The following DAB1 variants were observed in gnomAD, a reference collection of about 807,000 sequenced individuals.
DAB1 encodes the protein DAB adaptor protein 1.
In DAB1, 15 loss-of-function variants were observed where a neutral mutation model predicts 64.6. The observed-to-expected ratio is 0.23, with a 90% confidence interval of 0.16 to 0.36. DAB1 has a LOEUF of 0.36. DAB1 is among the 10% of genes least tolerant of loss of function. DAB1 has a pLI of 1.00. For missense variants in DAB1, 596 were observed against 706.7 expected (o/e 0.84, Z 1.78); for synonymous variants, 235 against 251.9 (o/e 0.93, Z 0.64).
intron 1 of DAB1, among the ~76,000 whole-genome samples, chr1:57,377,178 G>A (rs773952025): frequency 5.9e-5 from 9 of 151,934 alleles, no homozygotes; most frequent in Non-Finnish European, 8.8e-5. Flanking sequence ...GCTGAGGAAC[G>A]AGAATCGCTT....
intron 7 of DAB1, among the ~76,000 whole-genome samples, chr1:57,530,172 T>A (rs1292688897): frequency 2.6e-5 from 4 of 152,160 alleles, no homozygotes; most frequent in Non-Finnish European, 5.9e-5. Context: ...CTATATTGGG[T>A]CCTATAAAGC....
chr1:57,556,866 AG>A (rs1439412635), intron 7 of DAB1, among the ~76,000 whole-genome samples: 1 of 152,192 alleles, frequency 6.6e-6, no homozygotes, highest in Non-Finnish European at 1.5e-5. Flanking sequence ...AATGTCTAGA[AG>A]GGTTTTTCCA....
chr1:57,034,357 G>A (rs1240813581), intron 9 of DAB1, among the ~76,000 whole-genome samples: 3 of 150,262 alleles, frequency 2.0e-5, no homozygotes, highest in African/African-American at 7.4e-5. Context: ...CATCCCAAAA[G>A]CCACCTCCTC....
intron 7 of DAB1, among the ~76,000 whole-genome samples, chr1:57,579,224 T>C (rs1645284711): frequency 6.6e-6 from 1 of 152,218 alleles, no homozygotes; most frequent in Non-Finnish European, 1.5e-5. Context: ...AATATTTGTT[T>C]TAGTTTTAGC....
intron 3 of DAB1, among the ~76,000 whole-genome samples, chr1:58,456,378 G>A (rs1039554175): frequency 6.6e-6 from 1 of 152,210 alleles, no homozygotes; most frequent in African/African-American, 2.4e-5. Flanking sequence ...GGGGGAGGGT[G>A]TGAGTTGAAT....
intron 5 of DAB1, among the ~76,000 whole-genome samples, chr1:57,948,325 A>T (rs1645214438): frequency 6.6e-6 from 1 of 152,224 alleles, no homozygotes; most frequent in Admixed American, 6.5e-5. Context: ...CAGCTTAGCA[A>T]GGTTGCTGAT....
rs188642949 is a variant in DAB1 at position 58,476,645 on chromosome 1, C to G, written n.257+29415G>C. On this transcript the variant is annotated intron_variant and non_coding_transcript_variant, in intron 3 of 20. Coordinates refer to the DAB1 transcript ENST00000485760. Reference sequence around the variant, plus strand: ...ATCTCACTACAGATTAAAGAATTCTCTAGGCTCTCACAAAAACATGTTATG... The same window carrying G: ...ATCTCACTACAGATTAAAGAATTCTGTAGGCTCTCACAAAAACATGTTATG... Among the ~76,000 whole-genome samples the G allele has an allele frequency of 2.6e-5, 4 of 152,172 alleles. No individual in the cohort carries two copies. In the East Asian group the frequency reaches 7.7e-4, roughly 29 times the overall value.
intron 2 of DAB1, among the ~76,000 whole-genome samples, chr1:57,178,885 C>T (rs1662618297): frequency 6.6e-6 from 1 of 151,972 alleles, no homozygotes; most frequent in Admixed American, 6.6e-5. Context: ...TAGCAATTCC[C>T]ACCCCCATCG....
chr1:58,345,964 G>T (rs1045485723), intron 3 of DAB1, among the ~76,000 whole-genome samples: 4 of 152,126 alleles, frequency 2.6e-5, no homozygotes, highest in Non-Finnish European at 5.9e-5. Flanking sequence ...AGGAGAGATT[G>T]CCTGCCTCAG....
chr1:58,094,289 A>T (rs904601853), intron 5 of DAB1, among the ~76,000 whole-genome samples: 1 of 152,186 alleles, frequency 6.6e-6, no homozygotes, highest in Non-Finnish European at 1.5e-5. Flanking sequence ...CTGTGTAACC[A>T]ACTCTCCGAA....
At chr1:57,688,060 A>G (rs759916589) in intron 6 of DAB1, among the ~76,000 whole-genome samples, 12 of 152,220 alleles carry the variant, frequency 7.9e-5, no homozygotes, top group Non-Finnish European at 1.5e-5. Context: ...AAAAATTGAC[A>G]AACAGTACCT....
chr1:58,361,034 G>C (rs1325185381), intron 3 of DAB1, among the ~76,000 whole-genome samples: 1 of 152,196 alleles, frequency 6.6e-6, no homozygotes, highest in Non-Finnish European at 1.5e-5. Flanking sequence ...AGATATAAAA[G>C]ATGATTTAGA....
intron 2 of DAB1, among the ~76,000 whole-genome samples, chr1:57,244,710 G>C (rs1668736820): frequency 6.6e-6 from 1 of 152,190 alleles, no homozygotes; most frequent in Non-Finnish European, 1.5e-5. Flanking sequence ...ATAAAAAGTG[G>C]TCTGAAACAC....
intron 1 of DAB1, among the ~76,000 whole-genome samples, chr1:57,315,037 G>T (rs1454877856): frequency 6.6e-6 from 1 of 151,950 alleles, no homozygotes; most frequent in Non-Finnish European, 1.5e-5. Context: ...TTTTCTCCTG[G>T]CATAACTATA....
chr1:57,904,994 T>G (rs1482871907), intron 5 of DAB1, among the ~76,000 whole-genome samples: 7 of 152,182 alleles, frequency 4.6e-5, no homozygotes, highest in Non-Finnish European at 1.0e-4. Context: ...TAGCTAATGA[T>G]AATAGCTAAC....
At chr1:57,607,778 T>C (rs1040267465) in intron 7 of DAB1, among the ~76,000 whole-genome samples, 8 of 152,122 alleles carry the variant, frequency 5.3e-5, no homozygotes, top group African/African-American at 1.9e-4. Context: ...GGATAATAAA[T>C]GAGAGAGGGC....
At chr1:58,003,711 TC>T (rs1231146942) in intron 5 of DAB1, among the ~76,000 whole-genome samples, 1 of 152,140 alleles carries the variant, frequency 6.6e-6, no homozygotes, top group Non-Finnish European at 1.5e-5. Context: ...TGTGGATGCT[TC>T]CCGGGCAAGG....
chr1:57,460,041 C>T (rs1362538461), intron 7 of DAB1, among the ~76,000 whole-genome samples: 1 of 152,208 alleles, frequency 6.6e-6, no homozygotes, highest in Non-Finnish European at 1.5e-5. Context: ...GGGGCTACCA[C>T]TAGCTCATCG....
chr1:58,334,753 A>G (rs914089812), intron 4 of DAB1, among the ~76,000 whole-genome samples: 5 of 151,686 alleles, frequency 3.3e-5, no homozygotes, highest in Admixed American at 3.3e-4. Context: ...TGAGGTTCAC[A>G]TCATTGTGAA....
Sources: allele counts gnomAD v4.1 joint callset (sites outside exome capture counted in the v4.1 genomes callset), GRCh38; gene constraint gnomAD v4.1.1; transcripts MANE v1.5; gene names NCBI Gene and HGNC (gene_info 2026-07-23, HGNC 2026-07-21).